Variants in NRG3 observed in about 807,000 individuals in gnomAD.
NRG3 encodes neuregulin 3.
In NRG3, 31 loss-of-function variants were observed where a neutral mutation model predicts 66.9. The ratio of observed to expected loss-of-function variants is 0.46; its 90% CI spans 0.35 to 0.63. The LOEUF (loss-of-function observed/expected upper bound fraction) is 0.63. NRG3 is among the 20% of genes least tolerant of loss of function. NRG3 has a pLI of 0.00. For missense variants in NRG3, 910 were observed against 878.9 expected, an observed-to-expected ratio of 1.04 and a Z score of -0.45; for synonymous variants, 393 against 359.4, an observed-to-expected ratio of 1.09 and a Z score of -1.06.
intron 1 of NRG3, among the ~76,000 whole-genome samples, chr10:81,962,508 A>C (rs1850459000): frequency 6.6e-6 from 1 of 152,190 alleles, no homozygotes; most frequent in Non-Finnish European, 1.5e-5. Flanking sequence ...TTAGCTGATA[A>C]ATCCTAGATA....
chr10:82,347,268 C>G (rs980266384), intron 1 of NRG3, among the ~76,000 whole-genome samples: 2 of 149,110 alleles, frequency 1.3e-5, no homozygotes, highest in African/African-American at 2.5e-5. Context: ...TATGTTGTGT[C>G]TTTGTTCTCG....
At chr10:82,680,881 C>T (rs1484298813) in intron 2 of NRG3, among the ~76,000 whole-genome samples, 1 of 152,194 alleles carries the variant, frequency 6.6e-6, no homozygotes, top group Non-Finnish European at 1.5e-5. Context: ...TGCCTGAAAG[C>T]TCCTTGCCAA....
At chr10:82,563,031 C>A (rs987222703) in intron 2 of NRG3, among the ~76,000 whole-genome samples, 6 of 152,030 alleles carry the variant, frequency 3.9e-5, no homozygotes, top group African/African-American at 1.4e-4. Flanking sequence ...GTTTAGGAAA[C>A]CCAGGGATGT....
At chr10:82,411,430 T>C (rs1476660001) in intron 2 of NRG3, among the ~76,000 whole-genome samples, 2 of 152,098 alleles carry the variant, frequency 1.3e-5, no homozygotes, top group African/African-American at 2.4e-5. Context: ...AAAAGTATAA[T>C]TAGTATCACT....
At chr10:82,273,167 A>G (rs1488476954) in intron 1 of NRG3, among the ~76,000 whole-genome samples, 1 of 152,014 alleles carries the variant, frequency 6.6e-6, no homozygotes, top group South Asian at 2.1e-4. Flanking sequence ...CAAGAGCTGT[A>G]CATTACTCTT....
chr10:81,884,851 C>G (rs77728769), intron 1 of NRG3, among the ~76,000 whole-genome samples: 4,636 of 152,230 alleles, frequency 0.03, 153 homozygotes, highest in African/African-American at 0.076. Context: ...CCTATTAATG[C>G]TGTCACCACA....
At chr10:82,465,150 G>A (rs978396589) in intron 2 of NRG3, among the ~76,000 whole-genome samples, 1 of 152,166 alleles carries the variant, frequency 6.6e-6, no homozygotes, top group Non-Finnish European at 1.5e-5. Flanking sequence ...ACGATAATGG[G>A]GCTATTAACT....
intron 1 of NRG3, among the ~76,000 whole-genome samples, chr10:82,016,829 A>T (rs2061806624): frequency 6.6e-6 from 1 of 152,178 alleles, no homozygotes; most frequent in South Asian, 2.1e-4. Flanking sequence ...TCCACATTTG[A>T]CCAATAAAAC....
At chr10:81,997,624 T>C (rs1400725769) in intron 1 of NRG3, among the ~76,000 whole-genome samples, 2 of 152,054 alleles carry the variant, frequency 1.3e-5, no homozygotes, top group African/African-American at 4.8e-5. Context: ...TCTTCATCTG[T>C]GAAATAGGGG....
At chr10:81,997,888 A>C (rs1413410485) in intron 1 of NRG3, among the ~76,000 whole-genome samples, 2 of 150,120 alleles carry the variant, frequency 1.3e-5, no homozygotes, top group Non-Finnish European at 3.0e-5. Flanking sequence ...TTTTACCTCA[A>C]ATATGCACAA....
intron 1 of NRG3, chr10:82,230,059 A>T (rs1479055024): frequency 6.6e-6 from 1 of 152,200 alleles, no homozygotes; most frequent in South Asian, 2.1e-4. Flanking sequence ...AGAAACGAAT[A>T]TATGGAGAAA....
intron 1 of NRG3, among the ~76,000 whole-genome samples, chr10:81,964,386 ACT>A (rs2059647726): frequency 7.6e-6 from 1 of 131,316 alleles, no homozygotes; most frequent in African/African-American, 3.2e-5. Flanking sequence ...ACAGAGTGAG[ACT>A]CTGTCTCAAA....
intron 2 of NRG3, among the ~76,000 whole-genome samples, chr10:82,624,442 G>T: frequency 6.6e-6 from 1 of 151,358 alleles, no homozygotes; most frequent in African/African-American, 2.4e-5. Flanking sequence ...TTTTTCCCTT[G>T]TGGCAAAATC....
chr10:82,088,531 A>G (rs894791367), intron 1 of NRG3, among the ~76,000 whole-genome samples: 5 of 152,164 alleles, frequency 3.3e-5, no homozygotes, highest in Admixed American at 1.3e-4. Flanking sequence ...CATAACTTGA[A>G]TGCTCTGTTT....
intron 4 of NRG3, among the ~76,000 whole-genome samples, chr10:82,906,466 T>TA (rs1455108914): frequency 6.6e-6 from 1 of 152,188 alleles, no homozygotes; most frequent in Non-Finnish European, 1.5e-5. Context: ...TGGCTTTACT[T>TA]AATCATCTTT....
intron 2 of NRG3, among the ~76,000 whole-genome samples, chr10:82,370,945 TAC>T (rs1369793552): frequency 7.0e-6 from 1 of 142,612 alleles, no homozygotes; most frequent in Non-Finnish European, 1.5e-5. Flanking sequence ...AAATCCACCT[TAC>T]AAACACACAC....
intron 1 of NRG3, among the ~76,000 whole-genome samples, chr10:82,255,074 C>G (rs1467891398): frequency 1.3e-5 from 2 of 152,158 alleles, no homozygotes; most frequent in Admixed American, 1.3e-4. Context: ...TCAATACTCA[C>G]AATCATAAGT....
chr10:81,929,447 A>G (rs1323686546), intron 1 of NRG3, among the ~76,000 whole-genome samples: 3 of 152,180 alleles, frequency 2.0e-5, no homozygotes, highest in African/African-American at 7.2e-5. Flanking sequence ...GCTTCGGTTG[A>G]ATTTCATTTC....
At chr10:82,057,424 G>A (rs996713562) in intron 1 of NRG3, among the ~76,000 whole-genome samples, 2 of 151,832 alleles carry the variant, frequency 1.3e-5, no homozygotes, top group Admixed American at 1.3e-4. Flanking sequence ...GTGGTATGTT[G>A]GTTCTGCCTA....
Sources: gnomAD v4.1 joint callset for allele counts (sites outside exome capture counted in the v4.1 genomes callset) on GRCh38, gnomAD v4.1.1 for gene constraint, MANE v1.5 for transcripts, NCBI Gene and HGNC (gene_info 2026-07-23, HGNC 2026-07-21) for gene names.